The following ELFN2 variants were observed in gnomAD, a reference collection of about 807,000 sequenced individuals.
ELFN2 encodes the protein protein phosphatase 1 regulatory subunit 29.
Under a neutral mutation model 45.5 loss-of-function variants are expected in ELFN2, and 17 were observed. The ratio of observed to expected loss-of-function variants is 0.37; its 90% CI spans 0.26 to 0.56. ELFN2 has a LOEUF of 0.56. Among genes scored for constraint, ELFN2 ranks in the 20% least tolerant of loss-of-function variants. The probability of loss-of-function intolerance (pLI) is 0.77; values close to 1 mark genes in which losing one functional copy is unlikely to be tolerated. For synonymous variants in ELFN2, 550 were observed against 551.5 expected (o/e 1.00, Z 0.04); for missense variants, 922 against 1,183.2 (o/e 0.78, Z 3.24).
Position 37,375,007 on chromosome 22 carries a change from G to A in ELFN2, c.528C>T (p.Ser176=). The A allele has an allele frequency of 1.2e-6, 2 of 1,613,470 alleles. No individual in the cohort carries two copies. Among genetic ancestry groups the A allele is most frequent in the African/African-American group, 1.3e-5 (1 of 75,062 alleles). ...TGCCGGCCAGCTCACACACCATCAG[G>A]CTGGCGAGGCTGGCAAAGGTGGCAC... The part of the protein sequence containing the change: ...LDGATFASLA[S]LMVCELAGNP... Residue 176 remains serine (S), a synonymous_variant, in exon 3 of 3, where the codon AGC becomes AGT. Transcript: ENST00000402918.
chr22:37,350,444 AG>A (rs928791994), intron 1 of ELFN2, among the ~76,000 whole-genome samples: 2 of 150,394 alleles, frequency 1.3e-5, no homozygotes, highest in African/African-American at 2.4e-5. Flanking sequence ...CTGGCCACCC[AG>A]GGGGTGAGGG....
chr22:37,415,528 C>T (rs1279520931), intron 2 of ELFN2, among the ~76,000 whole-genome samples: 4 of 152,230 alleles, frequency 2.6e-5, no homozygotes, highest in Non-Finnish European at 4.4e-5. Flanking sequence ...TCTGCCTCTC[C>T]GGCCCCGTTC....
intron 1 of ELFN2, among the ~76,000 whole-genome samples, chr22:37,357,111 T>A (rs1250917181): frequency 6.9e-6 from 1 of 144,804 alleles, no homozygotes; most frequent in Non-Finnish European, 1.5e-5. Context: ...GTCCCCAAGG[T>A]CTCCTCACTG....
At chr22:37,396,017 A>C (rs1569138639) in intron 2 of ELFN2, among the ~76,000 whole-genome samples, 2 of 152,064 alleles carry the variant, frequency 1.3e-5, no homozygotes, top group Admixed American at 1.3e-4. Flanking sequence ...ACCCGCTACC[A>C]CCGGAGGGCT....
intron 2 of ELFN2, among the ~76,000 whole-genome samples, chr22:37,389,670 C>T (rs2145656676): frequency 6.6e-6 from 1 of 152,192 alleles, no homozygotes; most frequent in East Asian, 1.9e-4. Flanking sequence ...CACTTGAACC[C>T]GGGTCTCTGC....
rs1932796250 is a variant in ELFN2 at position 37,419,915 on chromosome 22, C to T, written c.-613-1996G>A. 1.3e-5 allele frequency among the ~76,000 whole-genome samples: 2 copies of T among 152,044 alleles called. 1 individual carries two copies. The highest frequency in any genetic ancestry group is 4.1e-4 in the South Asian group (2 of 4,830). ...CCCCTGCCCAGCGCGGCCCGCCCCGCCGCCAGCCCCCGCCCCTGCCGGTCG... is the reference window on the plus strand; with the variant it reads ...CCCCTGCCCAGCGCGGCCCGCCCCGTCGCCAGCCCCCGCCCCTGCCGGTCG... On this transcript the variant is annotated intron_variant, in intron 1 of 2. Transcript: ENST00000402918.
At chr22:37,363,534 G>A (rs923508994), downstream of ELFN2, among the ~76,000 whole-genome samples, 3 of 152,122 alleles carry the variant, frequency 2.0e-5, no homozygotes, top group African/African-American at 7.2e-5. Context: ...AGTTTTAGAG[G>A]AGGCCAACAG....
At chr22:37,343,160 G>A (rs748124636) in intron 1 of ELFN2, among the ~76,000 whole-genome samples, 3 of 152,146 alleles carry the variant, frequency 2.0e-5, no homozygotes, top group East Asian at 1.9e-4. Flanking sequence ...GCAGGGCGGC[G>A]ACTGGAAGGC....
At chr22:37,360,213 G>A (rs956478833) in intron 1 of ELFN2, among the ~76,000 whole-genome samples, 1 of 152,126 alleles carries the variant, frequency 6.6e-6, no homozygotes, top group African/African-American at 2.4e-5. Flanking sequence ...TCATAGTCTG[G>A]CCTGGGGTGT....
chr22:37,400,341 C>T (rs534223035), intron 2 of ELFN2, among the ~76,000 whole-genome samples: 1 of 152,220 alleles, frequency 6.6e-6, no homozygotes, highest in East Asian at 1.9e-4. Flanking sequence ...GCAGCAGGGG[C>T]AGTTGTCCCC....
At position 37,373,336 on chromosome 22, in the gene ELFN2, C is replaced by A; in HGVS notation, c.2199G>T (p.Pro733=). ...TGGAGTCACGCTTGGAGCGGGTCAGCGGCTTGAGGAAGGACACGCGCTGGC... is the reference window on the plus strand; with the variant it reads ...TGGAGTCACGCTTGGAGCGGGTCAGAGGCTTGAGGAAGGACACGCGCTGGC... ...SLSQRVSFLK[P]LTRSKRDSTY... Residue 733 remains proline (P), a synonymous_variant, in exon 3 of 3, where the codon CCG becomes CCT. Coordinates refer to ENST00000402918, the MANE Select transcript of ELFN2 (RefSeq NM_052906.5). 1.2e-6 allele frequency: 2 copies of A among 1,613,510 alleles called. No homozygotes were observed. Among genetic ancestry groups the A allele is most frequent in the South Asian group, 1.1e-5 (1 of 91,084 alleles).
At chr22:37,382,737 A>C (rs1931824957) in intron 2 of ELFN2, among the ~76,000 whole-genome samples, 1 of 152,014 alleles carries the variant, frequency 6.6e-6, no homozygotes, top group South Asian at 2.1e-4. Flanking sequence ...TTTTTGGTAG[A>C]GATGGGGTTT....
At position 37,387,088 on chromosome 22, in the gene ELFN2, C is replaced by T. The variant is rs1931967287; in HGVS notation, c.-462-11092G>A. Among the ~76,000 whole-genome samples, 4 of 152,204 alleles carry T rather than the reference C, an allele frequency of 2.6e-5. No individual in the cohort carries two copies. The South Asian group carries it at 8.3e-4, about 32-fold the overall frequency. On this transcript the variant is annotated intron_variant, in intron 2 of 2. Coordinates refer to ENST00000402918, the MANE Select transcript of ELFN2 (RefSeq NM_052906.5). ...ACACGCCAGGCAGGCAGGAGGACCT[C>T]ATTACCCACCGCAACCATGACAGTG...
intron 2 of ELFN2, among the ~76,000 whole-genome samples, chr22:37,378,065 G>A (rs1198682330): frequency 3.3e-5 from 5 of 152,236 alleles, no homozygotes; most frequent in African/African-American, 7.2e-5. Flanking sequence ...GGGAATGTCT[G>A]GGGACCGCAT....
At chr22:37,379,490 C>T (rs1931687471) in intron 2 of ELFN2, among the ~76,000 whole-genome samples, 4 of 152,182 alleles carry the variant, frequency 2.6e-5, no homozygotes. Flanking sequence ...GGACCCCTCC[C>T]CTAGAGCTTT....
intron 2 of ELFN2, among the ~76,000 whole-genome samples, chr22:37,386,699 C>T (rs1227650190): frequency 6.6e-6 from 1 of 152,194 alleles, no homozygotes; most frequent in Non-Finnish European, 1.5e-5. Context: ...CCCGGAAACT[C>T]CCCGGGGAGG....
At chr22:37,346,037 C>G (rs957059937) in intron 1 of ELFN2, among the ~76,000 whole-genome samples, 1 of 152,236 alleles carries the variant, frequency 6.6e-6, no homozygotes, top group African/African-American at 2.4e-5. Flanking sequence ...GCTCACTAAC[C>G]TCTCTGGGCC....
rs559829736 is a variant in ELFN2 at position 37,395,150 on chromosome 22, T to TAAAG, written c.-462-19155_-462-19154insCTTT. ...ATAAATAAATAAATAAATAAATAAA[T>TAAAG]ATTGTTGGATTAATTTCTCAGATGA... On this transcript the variant is annotated intron_variant, in intron 2 of 2. Transcript: ENST00000402918. Among the ~76,000 whole-genome samples the TAAAG allele has an allele frequency of 2.3e-3, 335 of 147,728 alleles. 2 individuals are homozygous for TAAAG. The highest frequency in any genetic ancestry group is 7.5e-3 in the African/African-American group (300 of 39,824).
chr22:37,412,979 A>C (rs1483858355), intron 2 of ELFN2, among the ~76,000 whole-genome samples: 1 of 152,048 alleles, frequency 6.6e-6, no homozygotes, highest in East Asian at 1.9e-4. Flanking sequence ...GGGACCTCTG[A>C]GCATAGGTCC....
Sources: allele counts gnomAD v4.1 joint callset (sites outside exome capture counted in the v4.1 genomes callset), GRCh38; gene constraint gnomAD v4.1.1; transcripts MANE v1.5; gene names NCBI Gene and HGNC (gene_info 2026-07-23, HGNC 2026-07-21).